MYL12B: variants seen among roughly 807,000 people sequenced by gnomAD.
MYL12B encodes myosin light chain 12B, also known as myosin regulatory light chain 12B.
Under a neutral mutation model 12.9 loss-of-function variants are expected in MYL12B, and 3 were observed. The ratio of observed to expected loss-of-function variants is 0.23; its 90% CI spans 0.11 to 0.60. MYL12B has a LOEUF of 0.60. Ranked by LOEUF, MYL12B falls within the 20% of genes least tolerant of loss-of-function variation. MYL12B has a pLI of 0.89. For missense variants in MYL12B, 120 were observed against 215.4 expected (o/e 0.56, Z 2.77); for synonymous variants, 57 against 71.9 (o/e 0.79, Z 1.05).
chr18:3,266,918 A>G (rs2081639163), intron 1 of MYL12B, among the ~76,000 whole-genome samples: 1 of 152,210 alleles, frequency 6.6e-6, no homozygotes, highest in Admixed American at 6.5e-5. Context: ...AGCCGAAATG[A>G]CCAGCAGTCA....
At chr18:3,266,079 A>C (rs2081632098) in intron 1 of MYL12B, among the ~76,000 whole-genome samples, 1 of 152,154 alleles carries the variant, frequency 6.6e-6, no homozygotes, top group Non-Finnish European at 1.5e-5. Context: ...TGTATAACAG[A>C]ATACTCCAAA....
intron 2 of MYL12B, chr18:3,276,535 G>A: frequency 1.0e-6 from 1 of 985,240 alleles, no homozygotes; most frequent in Admixed American, 6.1e-5. Flanking sequence ...TGTGTAAACA[G>A]TGTTTGAAGA....
chr18:3,277,450 CACTATATAA>C, intron 3 of MYL12B, 36 bp downstream of exon 3: 1 of 1,606,722 alleles, frequency 6.2e-7, no homozygotes, highest in Non-Finnish European at 8.5e-7. Context: ...CCTCATTCCA[CACTATATAA>C]AGTACTTCTG....
chr18:3,275,814 G>GAA (rs1360749623), intron 2 of MYL12B, among the ~76,000 whole-genome samples: 74 of 152,042 alleles, frequency 4.9e-4, no homozygotes, highest in African/African-American at 1.6e-3. Context: ...GGTTAAATCT[G>GAA]GAGGTAGAAA....
At chr18:3,268,331 G>A (rs998105840) in intron 1 of MYL12B, among the ~76,000 whole-genome samples, 6 of 152,188 alleles carry the variant, frequency 3.9e-5, no homozygotes, top group East Asian at 1.9e-4. Context: ...CATTCATTTT[G>A]TGCTGTGTTC....
intron 2 of MYL12B, among the ~76,000 whole-genome samples, chr18:3,273,611 G>A (rs2081701480): frequency 6.6e-6 from 1 of 152,158 alleles, no homozygotes; most frequent in Non-Finnish European, 1.5e-5. Context: ...GTATATGGGT[G>A]TTAATATTCC....
chr18:3,267,719 C>G (rs183995244), intron 1 of MYL12B, among the ~76,000 whole-genome samples: 17 of 152,196 alleles, frequency 1.1e-4, no homozygotes, highest in African/African-American at 2.4e-4. Flanking sequence ...TAATCTCTTA[C>G]TGTGCTTAAT....
chr18:3,267,867 T>G (rs1666834744), intron 1 of MYL12B, among the ~76,000 whole-genome samples: 1 of 152,210 alleles, frequency 6.6e-6, no homozygotes, highest in African/African-American at 2.4e-5. Flanking sequence ...GTCTCCCATA[T>G]AAAATGGCAT....
rs569353379 is a variant in MYL12B at position 3,266,944 on chromosome 18, A to T, written c.-16+4707A>T. On this transcript the variant is annotated intron_variant, in intron 1 of 3. Coordinates refer to ENST00000237500, the MANE Select transcript of MYL12B (RefSeq NM_033546.4). Reference sequence around the variant, plus strand: ...CCAGCAGTCATACAACTTGTGAATGATAGAACTGGAATTGGAATCCATGTC... The same window carrying T: ...CCAGCAGTCATACAACTTGTGAATGTTAGAACTGGAATTGGAATCCATGTC... Among the ~76,000 whole-genome samples the T allele has an allele frequency of 9.8e-5, 15 of 152,344 alleles. No homozygotes were observed. The South Asian group carries it at 2.3e-3, about 23-fold the overall frequency.
intron 1 of MYL12B, among the ~76,000 whole-genome samples, chr18:3,271,806 A>G (rs564215481): frequency 2.0e-3 from 309 of 152,022 alleles, no homozygotes; most frequent in African/African-American, 7.3e-3. Flanking sequence ...AAATGAAATG[A>G]CAAGTGCCTT....
intron 1 of MYL12B, among the ~76,000 whole-genome samples, chr18:3,265,644 C>T (rs1339792895): frequency 3.9e-5 from 6 of 152,164 alleles, no homozygotes; most frequent in African/African-American, 1.4e-4. Flanking sequence ...ACCAGCTCCT[C>T]CCTCCCCTCC....
chr18:3,270,427 A>G (rs1464376249), intron 1 of MYL12B, among the ~76,000 whole-genome samples: 1 of 152,080 alleles, frequency 6.6e-6, no homozygotes, highest in Non-Finnish European at 1.5e-5. Context: ...TCTTCCATCA[A>G]CTTGCCTTCT....
intron 1 of MYL12B, among the ~76,000 whole-genome samples, chr18:3,265,452 G>T (rs955045994): frequency 2.6e-5 from 4 of 151,942 alleles, no homozygotes; most frequent in African/African-American, 9.7e-5. Flanking sequence ...ATGACCTTAG[G>T]TTTTAGCCCA....
intron 2 of MYL12B, chr18:3,276,851 A>G (rs2081735782): frequency 1.2e-6 from 1 of 819,118 alleles, no homozygotes; most frequent in Admixed American, 6.2e-5. Flanking sequence ...AGCCTGGGCA[A>G]CATAGTGAAA....
At chr18:3,272,623 C>G (rs1238454915) in intron 1 of MYL12B, among the ~76,000 whole-genome samples, 1 of 152,166 alleles carries the variant, frequency 6.6e-6, no homozygotes, top group African/African-American at 2.4e-5. Context: ...CTTGGCCTCC[C>G]AAAGTGTTGG....
chr18:3,273,464 C>T (rs959034318), intron 2 of MYL12B, among the ~76,000 whole-genome samples: 19 of 152,016 alleles, frequency 1.2e-4, no homozygotes, highest in African/African-American at 4.6e-4. Flanking sequence ...ATGGTTATCT[C>T]TGGGAAGGAG....
At position 3,269,359 on chromosome 18, in the gene MYL12B, G is replaced by A. The variant is rs564771570; in HGVS notation, c.-15-3525G>A. 2.6e-4 allele frequency among the ~76,000 whole-genome samples: 40 copies of A among 152,266 alleles called. 1 individual carries two copies. In the South Asian group the frequency reaches 8.1e-3, roughly 31 times the overall value. On this transcript the variant is annotated intron_variant, in intron 1 of 3. Transcript: ENST00000237500. ...AGATATTTTACACAAGAGATAATGA[G>A]GATCCAGTTTAGGGTGATGACAGAG...
chr18:3,269,857 T>C (rs1008380376), intron 1 of MYL12B, among the ~76,000 whole-genome samples: 2 of 152,228 alleles, frequency 1.3e-5, no homozygotes, highest in African/African-American at 4.8e-5. Flanking sequence ...ATACACCATT[T>C]TACATAATCA....
chr18:3,263,137 A>G (rs916956918), intron 1 of MYL12B: 7 of 152,236 alleles, frequency 4.6e-5, no homozygotes, highest in African/African-American at 9.7e-5. Context: ...AAGGGTAGAT[A>G]GGTAAGTAGG....
Sources: gnomAD v4.1 joint callset for allele counts (sites outside exome capture counted in the v4.1 genomes callset) on GRCh38, gnomAD v4.1.1 for gene constraint, MANE v1.5 for transcripts, NCBI Gene and HGNC (gene_info 2026-07-23, HGNC 2026-07-21) for gene names.